Variants in DOCK2 observed in about 807,000 individuals in gnomAD.
DOCK2 encodes dedicator of cytokinesis protein 2.
A neutral mutation model predicts 248.9 loss-of-function variants in DOCK2; 87 were observed. The ratio of observed to expected loss-of-function variants is 0.35; its 90% CI spans 0.29 to 0.42. DOCK2 has a LOEUF of 0.42. Ranked by LOEUF, DOCK2 falls within the 10% of genes least tolerant of loss-of-function variation. The pLI, the probability that DOCK2 is intolerant of heterozygous loss-of-function variation, is 1.00. For missense variants in DOCK2, 1,747 were observed against 2,300.2 expected, an observed-to-expected ratio of 0.76 and a Z score of 4.92; for synonymous variants, 805 against 821.6, an observed-to-expected ratio of 0.98 and a Z score of 0.35.
At chr5:169,873,947 C>A (rs932683735) in intron 27 of DOCK2, among the ~76,000 whole-genome samples, 1 of 152,254 alleles carries the variant, frequency 6.6e-6, no homozygotes, top group South Asian at 2.1e-4. Flanking sequence ...TTCCAGGGAG[C>A]CTCCTTGTCA....
chr5:169,930,029 T>C (rs1213318409), intron 27 of DOCK2, among the ~76,000 whole-genome samples: 1 of 152,218 alleles, frequency 6.6e-6, no homozygotes, highest in Non-Finnish European at 1.5e-5. Context: ...TCTTGCTCTG[T>C]CACCAGGCTG....
chr5:169,641,150 A>T (rs1162346375), intron 1 of DOCK2, among the ~76,000 whole-genome samples: 2 of 152,236 alleles, frequency 1.3e-5, no homozygotes, highest in East Asian at 1.9e-4. Flanking sequence ...ATCCAGTCAT[A>T]TTAGATTAGG....
intron 36 of DOCK2, among the ~76,000 whole-genome samples, chr5:170,037,521 T>C (rs1756364023): frequency 6.6e-6 from 1 of 150,380 alleles, no homozygotes; most frequent in African/African-American, 2.4e-5. Context: ...AGTTTCGCTC[T>C]TGTTGCCCAG....
intron 25 of DOCK2, among the ~76,000 whole-genome samples, chr5:169,777,420 T>C (rs537404997): frequency 6.6e-6 from 1 of 152,304 alleles, no homozygotes. Context: ...GTAGATTTGC[T>C]GAGCATGCCA....
intron 26 of DOCK2, among the ~76,000 whole-genome samples, chr5:169,835,574 G>A (rs938641976): frequency 2.6e-5 from 4 of 152,006 alleles, no homozygotes; most frequent in Non-Finnish European, 5.9e-5. Flanking sequence ...GTTTTCTATG[G>A]TGGACAGTTA....
At chr5:169,826,084 A>C (rs902240247) in intron 26 of DOCK2, among the ~76,000 whole-genome samples, 1 of 152,152 alleles carries the variant, frequency 6.6e-6, no homozygotes, top group African/African-American at 2.4e-5. Flanking sequence ...TCATTCTTTC[A>C]TCCAACCATC....
chr5:169,732,555 C>G (rs1305483104), intron 22 of DOCK2, among the ~76,000 whole-genome samples: 1 of 152,162 alleles, frequency 6.6e-6, no homozygotes, highest in Non-Finnish European at 1.5e-5. Context: ...ATGATGTGCT[C>G]TATCTCACTG....
chr5:170,014,036 A>T (rs1158381017), intron 32 of DOCK2, among the ~76,000 whole-genome samples: 3 of 151,606 alleles, frequency 2.0e-5, no homozygotes, highest in African/African-American at 7.3e-5. Context: ...GATGGCCTCC[A>T]TGAGGAAGAG....
At chr5:169,781,317 C>T (rs567541178) in intron 25 of DOCK2, among the ~76,000 whole-genome samples, 38 of 152,258 alleles carry the variant, frequency 2.5e-4, no homozygotes, top group African/African-American at 7.5e-4. Context: ...TTGAATGAAA[C>T]GATGTTATTC....
At chr5:170,009,695 T>C (rs917766135) in intron 32 of DOCK2, among the ~76,000 whole-genome samples, 2 of 152,228 alleles carry the variant, frequency 1.3e-5, no homozygotes, top group Non-Finnish European at 2.9e-5. Flanking sequence ...CTACGCTTCT[T>C]GCTTCCCCAG....
chr5:169,643,680 G>A (rs576515228), intron 1 of DOCK2, among the ~76,000 whole-genome samples: 22 of 152,292 alleles, frequency 1.4e-4, no homozygotes, highest in African/African-American at 5.3e-4. Context: ...GGTGGCCTGG[G>A]GAGTTGGGGA....
In DOCK2 at chr5:169,774,022, C is replaced by T. The variant is rs569297669; in HGVS notation, c.2554+12397C>T. On this transcript the variant is annotated intron_variant, in intron 25 of 51. Transcript: ENST00000520908. ...AACCTCTTTTTCTTTATAAATTACCCAGTCTTGGGTATGTCTTTATCAGCA... is the reference window on the plus strand; with the variant it reads ...AACCTCTTTTTCTTTATAAATTACCTAGTCTTGGGTATGTCTTTATCAGCA... Among the ~76,000 whole-genome samples, 31 of 152,262 alleles carry T rather than the reference C, an allele frequency of 2.0e-4. 2 individuals are homozygous for T. In the South Asian group the frequency reaches 6.2e-3, roughly 31 times the overall value.
chr5:170,067,489 T>C (rs1408187174), intron 44 of DOCK2, 21 bp from the exon 45 acceptor site: 1 of 1,607,866 alleles, frequency 6.2e-7, no homozygotes, highest in Non-Finnish European at 8.5e-7. Flanking sequence ...CCTTTCTTCT[T>C]GGTGATCTCA....
chr5:169,810,971 ACTCT>A (rs372931658), intron 26 of DOCK2, among the ~76,000 whole-genome samples: 3,550 of 145,854 alleles, frequency 0.024, 59 homozygotes, highest in Non-Finnish European at 0.039. Context: ...ACACACACAG[ACTCT>A]CTCTCTCTCT....
chr5:170,029,589 C>A (rs1246952528), intron 34 of DOCK2, among the ~76,000 whole-genome samples: 1 of 152,162 alleles, frequency 6.6e-6, no homozygotes, highest in Non-Finnish European at 1.5e-5. Flanking sequence ...CATAAATATT[C>A]TTCCATCTCC....
chr5:169,937,470 C>T (rs562233311), intron 27 of DOCK2, among the ~76,000 whole-genome samples: 10 of 152,250 alleles, frequency 6.6e-5, no homozygotes, highest in South Asian at 4.1e-4. Flanking sequence ...AGATGCTGCA[C>T]GCTTATCTGT....
intron 22 of DOCK2, among the ~76,000 whole-genome samples, chr5:169,740,840 T>A (rs1763268196): frequency 6.6e-6 from 1 of 152,214 alleles, no homozygotes; most frequent in South Asian, 2.1e-4. Context: ...GTTTTGTTTT[T>A]GTTTTTGTTT....
chr5:169,825,319 A>T (rs915483752), intron 26 of DOCK2, among the ~76,000 whole-genome samples: 1 of 152,170 alleles, frequency 6.6e-6, no homozygotes, highest in Non-Finnish European at 1.5e-5. Flanking sequence ...ACACATGTAC[A>T]TGTATGTTTA....
chr5:169,734,663 AC>A (rs1762945359), intron 22 of DOCK2, among the ~76,000 whole-genome samples: 1 of 152,210 alleles, frequency 6.6e-6, no homozygotes, highest in South Asian at 2.1e-4. Context: ...AAGAATTCTC[AC>A]TGGAGATATG....
Sources: allele counts gnomAD v4.1 joint callset (sites outside exome capture counted in the v4.1 genomes callset), GRCh38; gene constraint gnomAD v4.1.1; transcripts MANE v1.5; gene names NCBI Gene and HGNC (gene_info 2026-07-23, HGNC 2026-07-21).